The following ABCB1 variants were observed in gnomAD, a reference collection of about 807,000 sequenced individuals.
ABCB1 encodes the protein ATP binding cassette subfamily B member 1.
Under a neutral mutation model 142.0 loss-of-function variants are expected in ABCB1, and 69 were observed. The observed-to-expected ratio is 0.49, with a 90% confidence interval of 0.40 to 0.59. ABCB1 has a LOEUF of 0.59. ABCB1 is among the 20% of genes least tolerant of loss of function. ABCB1 has a pLI of 0.00. For synonymous variants in ABCB1, 532 were observed against 539.2 expected (o/e 0.99, Z 0.18); for missense variants, 1,326 against 1,554.7 (o/e 0.85, Z 2.47).
chr7:87,542,679 G>C (rs1563043246), intron 17 of ABCB1, among the ~76,000 whole-genome samples: 1 of 146,268 alleles, frequency 6.8e-6, no homozygotes. Context: ...TTTCTCTGAT[G>C]ACACCACAGT....
chr7:87,573,782 T>A (rs1488788377), intron 4 of ABCB1, among the ~76,000 whole-genome samples: 1 of 152,100 alleles, frequency 6.6e-6, no homozygotes. Context: ...CCCACACCTA[T>A]CTCCTCATTT....
chr7:87,545,728 T>A, intron 15 of ABCB1, 135 bp downstream of exon 15: 1 of 877,894 alleles, frequency 1.1e-6, no homozygotes, highest in Non-Finnish European at 1.7e-6. Flanking sequence ...TAAACACTGG[T>A]CTCATCCTGA....
chr7:87,515,167 T>C, intron 25 of ABCB1, 64 bp downstream of exon 25: 1 of 1,586,066 alleles, frequency 6.3e-7, no homozygotes, highest in South Asian at 1.1e-5. Flanking sequence ...AGTTGAGAAT[T>C]AAATACATTC....
chr7:87,612,817 T>C (rs552450664), intron 1 of ABCB1, among the ~76,000 whole-genome samples: 128 of 152,286 alleles, frequency 8.4e-4, no homozygotes, highest in African/African-American at 3.0e-3. Context: ...GGTATTTTGA[T>C]AGGAATTGCA....
At chr7:87,567,253 C>T (rs1817820221) in intron 5 of ABCB1, among the ~76,000 whole-genome samples, 1 of 152,206 alleles carries the variant, frequency 6.6e-6, no homozygotes, top group African/African-American at 2.4e-5. Context: ...TTTTCTAAGC[C>T]TCAGTTTTCT....
intron 1 of ABCB1, among the ~76,000 whole-genome samples, chr7:87,631,443 A>T (rs1188990429): frequency 6.6e-6 from 1 of 151,964 alleles, no homozygotes; most frequent in East Asian, 1.9e-4. Context: ...CAGGCTGGAG[A>T]GCAGTGGCGC....
intron 1 of ABCB1, chr7:87,694,090 G>C: frequency 1.4e-6 from 2 of 1,475,822 alleles, no homozygotes; most frequent in South Asian, 2.7e-5. Context: ...CTTCTTTTTT[G>C]TGTGTTTTTG....
chr7:87,521,628 G>A, intron 21 of ABCB1: 1 of 780,100 alleles, frequency 1.3e-6, no homozygotes, highest in Non-Finnish European at 2.3e-6. Flanking sequence ...AGCGCTCAAG[G>A]GACTTTGGGT....
rs371398416 is a variant in ABCB1, at chr7:87,541,515, C to T, written c.2212-51G>A. 4 of 1,262,024 alleles carry T rather than the reference C, an allele frequency of 3.2e-6. No homozygotes were observed. In the African/African-American group the frequency reaches 4.4e-5, roughly 14 times the overall value. The allele number at this position is 1,262,024 out of a possible 1,614,324, so 78.2% of individuals were successfully genotyped here. The stretch of plus-strand genomic sequence containing the variant: ...TTAGTTCAATCAGTGAAGAACCCAT[C>T]CTGGACCTGACCCATTTCCCATCTG... On this transcript the variant is annotated intron_variant, in intron 17 of 27. Coordinates refer to ENST00000622132, the MANE Select transcript of ABCB1 (RefSeq NM_001348946.2).
rs368827873 is a variant in ABCB1, at chr7:87,595,348, C to A, written c.117+418G>T. ...TGAACTAAAATTTGCAATGGACTAA[C>A]CTAAATGACCTAAAATTTGCATAGT... On this transcript the variant is annotated intron_variant, in intron 3 of 27. Transcript: ENST00000622132. Among the ~76,000 whole-genome samples, 6 of 152,142 alleles carry A rather than the reference C, an allele frequency of 3.9e-5. No individual in the cohort carries two copies. In the East Asian group the frequency reaches 9.6e-4, roughly 24 times the overall value.
chr7:87,690,278 A>C (rs1827888489), intron 1 of ABCB1, among the ~76,000 whole-genome samples: 1 of 152,166 alleles, frequency 6.6e-6, no homozygotes, highest in Admixed American at 6.5e-5. Flanking sequence ...GTCACTGTTT[A>C]GTTGATTGCC....
chr7:87,620,556 G>A (rs941811512), intron 1 of ABCB1, among the ~76,000 whole-genome samples: 7 of 152,038 alleles, frequency 4.6e-5, no homozygotes, highest in Non-Finnish European at 5.9e-5. Context: ...AAATTACTTC[G>A]TGGAATTGGT....
intron 21 of ABCB1, among the ~76,000 whole-genome samples, chr7:87,529,996 T>C (rs1339080393): frequency 6.6e-6 from 1 of 152,202 alleles, no homozygotes; most frequent in Non-Finnish European, 1.5e-5. Flanking sequence ...GGGGAGGTAC[T>C]ACAGCTGGCC....
intron 1 of ABCB1, among the ~76,000 whole-genome samples, chr7:87,656,332 G>C (rs1202954184): frequency 1.3e-5 from 2 of 151,918 alleles, no homozygotes; most frequent in African/African-American, 4.8e-5. Flanking sequence ...AGAAAGAAGA[G>C]ACTAACCAGT....
At chr7:87,661,448 T>C (rs1305758792) in intron 1 of ABCB1, among the ~76,000 whole-genome samples, 3 of 151,702 alleles carry the variant, frequency 2.0e-5, no homozygotes, top group Non-Finnish European at 4.4e-5. Flanking sequence ...GTAACCATTA[T>C]TTTACTCTCT....
At chr7:87,577,391 G>A (rs751094381) in intron 4 of ABCB1, among the ~76,000 whole-genome samples, 9 of 152,190 alleles carry the variant, frequency 5.9e-5, no homozygotes, top group East Asian at 5.8e-4. Context: ...GTGCAGGTTC[G>A]ATATACTGGT....
At chr7:87,522,281 A>G (rs990929778) in intron 21 of ABCB1, 29 of 837,116 alleles carry the variant, frequency 3.5e-5, no homozygotes, top group Non-Finnish European at 5.3e-5. Context: ...TGGACCCATG[A>G]AGGGAGGAAA....
At chr7:87,516,447 CACTTAAAAT>C in intron 24 of ABCB1, 53 bp downstream of exon 24, 1 of 1,593,378 alleles carries the variant, frequency 6.3e-7, no homozygotes, top group East Asian at 2.2e-5. Context: ...ATTAAGTTTC[CACTTAAAAT>C]ACTTTCATTC....
intron 1 of ABCB1, among the ~76,000 whole-genome samples, chr7:87,622,823 G>A (rs2130102210): frequency 6.6e-6 from 1 of 152,182 alleles, no homozygotes; most frequent in African/African-American, 2.4e-5. Context: ...ATGAGACCGG[G>A]AGTTCATGAG....
Sources: allele counts gnomAD v4.1 joint callset (sites outside exome capture counted in the v4.1 genomes callset), GRCh38; gene constraint gnomAD v4.1.1; transcripts MANE v1.5; gene names NCBI Gene and HGNC (gene_info 2026-07-23, HGNC 2026-07-21).